The following TUB variants were observed in gnomAD, a reference collection of about 807,000 sequenced individuals.
The protein encoded by TUB is tubby protein homolog.
TUB carries 33 observed loss-of-function variants against 59.7 expected under a neutral mutation model. The ratio of observed to expected loss-of-function variants is 0.55; its 90% CI spans 0.42 to 0.74. The LOEUF (loss-of-function observed/expected upper bound fraction) is 0.74, where lower values mean the gene tolerates loss of function less well. TUB is among the 30% of genes least tolerant of loss of function. TUB has a pLI of 0.00. For missense variants in TUB, 659 were observed against 672.0 expected, an observed-to-expected ratio of 0.98 and a Z score of 0.21; for synonymous variants, 293 against 256.4, an observed-to-expected ratio of 1.14 and a Z score of -1.36.
intron 1 of TUB, among the ~76,000 whole-genome samples, chr11:8,028,384 G>A (rs963242474): frequency 6.6e-6 from 1 of 152,066 alleles, no homozygotes; most frequent in Admixed American, 6.5e-5. Flanking sequence ...TTTCCCCATT[G>A]TTGTCTTCTC....
intron 2 of TUB, among the ~76,000 whole-genome samples, chr11:8,049,258 C>T (rs1942888361): frequency 6.6e-6 from 1 of 152,172 alleles, no homozygotes; most frequent in South Asian, 2.1e-4. Context: ...CAACCCCCAT[C>T]CAGTAGGAAG....
chr11:8,084,622 G>C (rs1943632668), intron 1 of TUB, among the ~76,000 whole-genome samples: 1 of 152,162 alleles, frequency 6.6e-6, no homozygotes, highest in Admixed American at 6.5e-5. Flanking sequence ...TCTCTCACTT[G>C]GTCATGAACT....
intron 1 of TUB, among the ~76,000 whole-genome samples, chr11:8,030,244 A>G (rs75367650): frequency 0.13 from 19,172 of 152,110 alleles, 1,356 homozygotes; most frequent in African/African-American, 0.14. Context: ...GGGCAGGGAC[A>G]TTGTATCTGT....
At chr11:8,100,652 A>T (rs1390750001) in intron 10 of TUB, 51 bp downstream of exon 10, 2 of 1,581,616 alleles carry the variant, frequency 1.3e-6, no homozygotes, top group Non-Finnish European at 1.7e-6. Flanking sequence ...TAGTCTCTGC[A>T]TGAGCTTCTA....
intron 1 of TUB, among the ~76,000 whole-genome samples, chr11:8,026,187 G>A (rs954696767): frequency 6.6e-6 from 1 of 151,986 alleles, no homozygotes; most frequent in Non-Finnish European, 1.5e-5. Flanking sequence ...AGAGTTCTTT[G>A]TATGCTGTGG....
chr11:8,053,626 G>C (rs894544650), intron 2 of TUB, among the ~76,000 whole-genome samples: 26 of 150,526 alleles, frequency 1.7e-4, no homozygotes, highest in African/African-American at 6.3e-4. Context: ...TCAGTCTCCG[G>C]AGTAGCTGGG....
chr11:8,051,498 A>G (rs1942934291), intron 2 of TUB, among the ~76,000 whole-genome samples: 1 of 152,224 alleles, frequency 6.6e-6, no homozygotes, highest in Non-Finnish European at 1.5e-5. Flanking sequence ...GAATAGCTTC[A>G]GAGAAATGAA....
chr11:8,021,732 G>A (rs937853382), intron 1 of TUB, among the ~76,000 whole-genome samples: 1 of 151,704 alleles, frequency 6.6e-6, no homozygotes, highest in Non-Finnish European at 1.5e-5. Context: ...TGGCTAACAC[G>A]GTGAAACCCC....
At chr11:8,065,548 C>T (rs1368996286) in intron 2 of TUB, among the ~76,000 whole-genome samples, 2 of 152,208 alleles carry the variant, frequency 1.3e-5, no homozygotes, top group East Asian at 1.9e-4. Flanking sequence ...TAATACATGA[C>T]AGCACTCAGC....
At chr11:8,036,532 T>G (rs1942649171), upstream of TUB, among the ~76,000 whole-genome samples, 1 of 152,198 alleles carries the variant, frequency 6.6e-6, no homozygotes, top group Admixed American at 6.5e-5. Flanking sequence ...TGTGGGGCCA[T>G]GGAGGACAGA....
Position 8,058,354 on chromosome 11 carries a change from G to A in TUB, c.203+18662G>A, listed in dbSNP as rs540546017. Among the ~76,000 whole-genome samples, 780 of 152,290 alleles carry A rather than the reference G, an allele frequency of 5.1e-3. 6 individuals are homozygous for A. Among genetic ancestry groups the A allele is most frequent in the African/African-American group, 0.018 (732 of 41,548 alleles). On this transcript the variant is annotated intron_variant, in intron 2 of 12. Transcript: ENST00000305253. ...CTGCGCTTGTCTGTTGTGTCTGCGG[G>A]GTGGAACTGCCACGTGACCGTGCAC...
At chr11:8,069,680 T>C (rs964102230) in intron 2 of TUB, among the ~76,000 whole-genome samples, 2 of 152,240 alleles carry the variant, frequency 1.3e-5, no homozygotes, top group Admixed American at 6.5e-5. Flanking sequence ...CCTGTTTTGT[T>C]TGTTTTTGTT....
chr11:8,081,474 C>T lies in TUB; in HGVS notation c.-37C>T, dbSNP rs376341951. On this transcript the variant is annotated 5_prime_UTR_variant, in exon 1 of 12. Transcript: ENST00000299506. ...CGCGCCGGCCCCTCCGGGCCCCGGCCTCCAGAGCCGCAGCCACCGCCCCGC... is the reference window on the plus strand; with the variant it reads ...CGCGCCGGCCCCTCCGGGCCCCGGCTTCCAGAGCCGCAGCCACCGCCCCGC... 11,499 of 1,477,044 alleles carry T rather than the reference C, an allele frequency of 7.8e-3. 48 individuals carry two copies. The highest frequency in any genetic ancestry group is 9.5e-3 in the Non-Finnish European group (10,593 of 1,119,774). 91.5% of individuals were successfully genotyped at this position (1,477,044 alleles called of 1,614,324 possible). A position where few individuals can be genotyped will look rare whatever the true frequency, so the allele number is the denominator to read the frequency against.
In TUB at chr11:8,093,989, T is replaced by C. The variant is rs144615272; in HGVS notation, c.254-57T>C. 679 of 1,608,094 alleles carry C rather than the reference T, an allele frequency of 4.2e-4. 1 individual carries two copies. The highest frequency in any genetic ancestry group is 5.1e-4 in the Non-Finnish European group (603 of 1,175,360). On this transcript the variant is annotated intron_variant, in intron 3 of 11. Coordinates refer to ENST00000299506, the MANE Select transcript of TUB (RefSeq NM_177972.3). ...CTGGGGACTGTGTTCAGGTGGGAGC[T>C]CTGGTCTCACCCACTGCCTGTTTCT...
In TUB at chr11:8,032,152, C is replaced by T. The variant is rs186867484; in HGVS notation, c.56+12794C>T. ...CCTGGGGAAAGGCCTGGGGAAAGGC[C>T]GGGAGCGCAGGAGTGAGATTGGGGG... On this transcript the variant is annotated intron_variant, in intron 1 of 11. Coordinates refer to the TUB transcript ENST00000534099. Among the ~76,000 whole-genome samples the T allele has an allele frequency of 2.7e-3, 418 of 152,188 alleles. 5 individuals carry two copies. Among genetic ancestry groups the T allele is most frequent in the African/African-American group, 9.2e-3 (383 of 41,552 alleles).
chr11:8,079,099 C>G (rs1943499281), upstream of TUB, among the ~76,000 whole-genome samples: 1 of 152,090 alleles, frequency 6.6e-6, no homozygotes. Flanking sequence ...TTAATAGATT[C>G]AATTACTCCA....
At chr11:8,056,477 G>A (rs1943023324) in intron 2 of TUB, among the ~76,000 whole-genome samples, 2 of 152,168 alleles carry the variant, frequency 1.3e-5, no homozygotes, top group Admixed American at 6.5e-5. Context: ...GGGAAGGCAG[G>A]GGGACGTCTG....
upstream of TUB, among the ~76,000 whole-genome samples, chr11:8,079,930 G>A (rs1160031591): frequency 6.6e-6 from 1 of 152,140 alleles, no homozygotes; most frequent in Non-Finnish European, 1.5e-5. Context: ...AGGATTAAAC[G>A]AATTATAATA....
At chr11:8,094,371 T>C (rs532252862) in intron 4 of TUB, among the ~76,000 whole-genome samples, 182 bp downstream of exon 4, 1 of 152,226 alleles carries the variant, frequency 6.6e-6, no homozygotes, top group South Asian at 2.1e-4. Flanking sequence ...GGGAGGTGCC[T>C]GGGCTGCCTC....
Sources: allele counts gnomAD v4.1 joint callset (sites outside exome capture counted in the v4.1 genomes callset), GRCh38; gene constraint gnomAD v4.1.1; transcripts MANE v1.5; gene names NCBI Gene and HGNC (gene_info 2026-07-23, HGNC 2026-07-21).